The following UTY variants were observed in gnomAD, a reference collection of about 807,000 sequenced individuals.
UTY encodes histone demethylase UTY.
Under a neutral mutation model 32.5 loss-of-function variants are expected in UTY, and 12 were observed. That is an observed-to-expected ratio of 0.37 (90% CI 0.24 to 0.60). The LOEUF (loss-of-function observed/expected upper bound fraction) is 0.60. Ranked by LOEUF, UTY falls within the 20% of genes least tolerant of loss-of-function variation. The pLI, the probability that UTY is intolerant of heterozygous loss-of-function variation, is 0.69. For synonymous variants in UTY, 131 were observed against 103.4 expected (o/e 1.27, Z -1.62); for missense variants, 303 against 299.2 (o/e 1.01, Z -0.09).
Position 13,376,954 on chromosome Y carries a change from T to C in UTY, c.646-7605A>G, listed in dbSNP as rs756112161. Among the ~76,000 whole-genome samples, 10 of 32,903 alleles carry C rather than the reference T, an allele frequency of 3.0e-4. No homozygotes were observed. The East Asian group carries it at 8.0e-3, about 26-fold the overall frequency. 88.3% of individuals were successfully genotyped at this position (32,903 alleles called of 37,273 possible). A position where few individuals can be genotyped will look rare whatever the true frequency, so the allele number is the denominator to read the frequency against. On this transcript the variant is annotated intron_variant, in intron 8 of 29. Transcript: ENST00000545955. ...AAACAGAATAATGTAGAACCACCAATCTCTTACAAAGGAATTTTGTTTAGA... is the reference window on the plus strand; with the variant it reads ...AAACAGAATAATGTAGAACCACCAACCTCTTACAAAGGAATTTTGTTTAGA...
intron 12 of UTY, 51 bp from the exon 13 acceptor site, chrY:13,359,273 G>A: frequency 2.7e-6 from 1 of 374,110 alleles, no homozygotes; most frequent in Non-Finnish European, 3.7e-6. Flanking sequence ...ACTTGAGTAA[G>A]AGCAAGTCCA....
At chrY:13,431,406 G>GCTAA in intron 4 of UTY, among the ~76,000 whole-genome samples, 1 of 32,872 alleles carries the variant, frequency 3.0e-5, no homozygotes, top group African/African-American at 1.2e-4. Flanking sequence ...ATTCAATGAG[G>GCTAA]CTAACATCCT....
downstream of UTY, among the ~76,000 whole-genome samples, chrY:13,248,169 A>G (rs1043265866): frequency 2.1e-4 from 7 of 33,795 alleles, no homozygotes; most frequent in African/African-American, 6.9e-4. Flanking sequence ...GAGTTTTCTA[A>G]CAACTATTTC....
chrY:13,381,908 C>A (rs2066182689), intron 8 of UTY, among the ~76,000 whole-genome samples: 2 of 32,646 alleles, frequency 6.1e-5, no homozygotes, highest in Admixed American at 5.6e-4. Context: ...ACATATTCAG[C>A]AATGATAATA....
intron 6 of UTY, among the ~76,000 whole-genome samples, chrY:13,401,827 C>T (rs1038383625): frequency 6.1e-5 from 2 of 32,709 alleles, no homozygotes; most frequent in East Asian, 1.6e-3. Flanking sequence ...AGTGAGCTAA[C>T]GCCACTGCAC....
chrY:13,392,250 A>C (rs2067636464), intron 8 of UTY, among the ~76,000 whole-genome samples: 1 of 33,737 alleles, frequency 3.0e-5, no homozygotes, highest in Non-Finnish European at 7.4e-5. Context: ...ATAATACATG[A>C]AAAAAAGACA....
rs774058804 is a variant in UTY at position 13,360,966 on chromosome Y, C to G, written c.867-438G>C. On this transcript the variant is annotated intron_variant, in intron 10 of 29. Transcript: ENST00000545955. ...CTTAGTAACACTCAGAACAATCATT[C>G]TTTGTTATCTGTGTGATTTGTTTAA... Among the ~76,000 whole-genome samples the G allele has an allele frequency of 1.8e-4, 6 of 33,168 alleles. No homozygotes were observed. In the East Asian group the frequency reaches 3.8e-3, roughly 21 times the overall value. The allele number at this position is 33,168 out of a possible 37,273, so 89.0% of individuals were successfully genotyped here. A position where few individuals can be genotyped will look rare whatever the true frequency, so the allele number is the denominator to read the frequency against.
Position 13,336,235 on chromosome Y carries a change from C to G in UTY, c.2162G>C (p.Gly721Ala), listed in dbSNP as rs749854655. 7.5e-6 allele frequency: 3 copies of G among 398,401 alleles called. No homozygotes were observed. The highest frequency in any genetic ancestry group is 1.1e-5 in the Non-Finnish European group (3 of 283,499). Residue 721 changes from glycine (G) to alanine (A), a missense_variant, in exon 18 of 30, where the codon GGT becomes GCT. Gly to Ala is a moderately conservative substitution (Grantham distance 60). Coordinates refer to ENST00000545955, the MANE Select transcript of UTY (RefSeq NM_001258249.2). ...SAQYHQATST[G>A]IKKANEHLTL... ...GAGATGTTCATTCGCCTTCTTAATA[C>G]CAGTGCTAGTTGCCTGGTGATACTG...
At position 13,405,116 on chromosome Y, in the gene UTY, TA is replaced by T. The variant is rs201526528; in HGVS notation, c.555+5876del. Among the ~76,000 whole-genome samples, 45 of 32,599 alleles carry T rather than the reference TA, an allele frequency of 1.4e-3. No individual in the cohort carries two copies. The East Asian group carries it at 0.033, about 24-fold the overall frequency. The allele number at this position is 32,599 out of a possible 37,273, so 87.5% of individuals were successfully genotyped here. A position where few individuals can be genotyped will look rare whatever the true frequency, so the allele number is the denominator to read the frequency against. Reference sequence around the variant, plus strand: ...ATAATAAACATACTGTTCATCCATTTAAAAAAAAGAAAGTATCAGTAAGTTA... The same window carrying T: ...ATAATAAACATACTGTTCATCCATTTAAAAAAAGAAAGTATCAGTAAGTTA... On this transcript the variant is annotated intron_variant, in intron 6 of 29. Transcript: ENST00000545955.
intron 4 of UTY, among the ~76,000 whole-genome samples, chrY:13,448,039 C>T: frequency 3.0e-5 from 1 of 33,659 alleles, no homozygotes; most frequent in Non-Finnish European, 7.4e-5. Context: ...AAGATAGTAA[C>T]TTTGTGAAAA....
intron 27 of UTY, among the ~76,000 whole-genome samples, chrY:13,287,971 C>G (rs748769176): frequency 6.1e-5 from 2 of 32,774 alleles, no homozygotes; most frequent in African/African-American, 2.4e-4. Context: ...ACTAAATGTG[C>G]CCGTACCAGA....
chrY:13,440,860 C>G, intron 4 of UTY, among the ~76,000 whole-genome samples: 1 of 33,692 alleles, frequency 3.0e-5, no homozygotes, highest in Non-Finnish European at 7.3e-5. Context: ...ATTCCTGACT[C>G]CAAAAGAAAG....
At chrY:13,254,875 A>G (rs962281464) in intron 28 of UTY, among the ~76,000 whole-genome samples, 1 of 33,673 alleles carries the variant, frequency 3.0e-5, no homozygotes, top group Admixed American at 2.7e-4. Context: ...AAGTGAAATT[A>G]AATGAACAGG....
chrY:13,295,906 A>C, intron 27 of UTY, among the ~76,000 whole-genome samples: 1 of 34,176 alleles, frequency 2.9e-5, no homozygotes, highest in South Asian at 6.5e-4. Flanking sequence ...CACAGGCCAT[A>C]TGACTGCTCT....
intron 6 of UTY, among the ~76,000 whole-genome samples, chrY:13,410,252 G>C: frequency 3.0e-5 from 1 of 33,670 alleles, no homozygotes; most frequent in Non-Finnish European, 7.4e-5. Context: ...TGGAAAAGGA[G>C]AAACATTCTT....
chrY:13,440,939 C>T, intron 4 of UTY, among the ~76,000 whole-genome samples: 1 of 33,189 alleles, frequency 3.0e-5, no homozygotes, highest in Admixed American at 2.8e-4. Flanking sequence ...TACATTTCTC[C>T]AGAAACCTCT....
At chrY:13,399,297 G>A in intron 6 of UTY, among the ~76,000 whole-genome samples, 1 of 33,316 alleles carries the variant, frequency 3.0e-5, no homozygotes, top group Non-Finnish European at 7.4e-5. Flanking sequence ...GATAAAGAAC[G>A]ACAAATATTG....
intron 8 of UTY, among the ~76,000 whole-genome samples, chrY:13,384,316 G>C: frequency 2.9e-5 from 1 of 33,913 alleles, no homozygotes; most frequent in Non-Finnish European, 7.3e-5. Context: ...GATGTGCAGA[G>C]ACAGTTTAAT....
intron 6 of UTY, among the ~76,000 whole-genome samples, chrY:13,409,034 A>G (rs547872659): frequency 3.0e-4 from 10 of 33,484 alleles, no homozygotes; most frequent in African/African-American, 6.9e-4. Context: ...ATCTGTTAAT[A>G]TGGTCTGAGA....
Sources: allele counts gnomAD v4.1 joint callset (sites outside exome capture counted in the v4.1 genomes callset), GRCh38; gene constraint gnomAD v4.1.1; transcripts MANE v1.5; gene names NCBI Gene and HGNC (gene_info 2026-07-23, HGNC 2026-07-21).